Variants in CNNM1 observed in about 807,000 individuals in gnomAD.
CNNM1 encodes cyclin and CBS domain divalent metal cation transport mediator 1, also known as metal transporter CNNM1.
A neutral mutation model predicts 78.8 loss-of-function variants in CNNM1; 44 were observed. That is an observed-to-expected ratio of 0.56 (90% CI 0.44 to 0.72). The LOEUF (loss-of-function observed/expected upper bound fraction) is 0.72, where lower values mean the gene tolerates loss of function less well. CNNM1 is among the 30% of genes least tolerant of loss of function. The pLI, the probability that CNNM1 is intolerant of heterozygous loss-of-function variation, is 0.00. For missense variants in CNNM1, 1,101 were observed against 1,292.2 expected (o/e 0.85, Z 2.27); for synonymous variants, 584 against 581.5 (o/e 1.00, Z -0.06).
intron 7 of CNNM1, among the ~76,000 whole-genome samples, chr10:99,379,845 A>G (rs1032091382): frequency 2.6e-5 from 4 of 152,096 alleles, no homozygotes; most frequent in Admixed American, 6.5e-5. Context: ...ACAAATTACC[A>G]TAGACTGTGT....
intron 1 of CNNM1, among the ~76,000 whole-genome samples, chr10:99,356,368 C>T (rs902307482): frequency 4.6e-5 from 7 of 151,660 alleles, no homozygotes; most frequent in Non-Finnish European, 7.4e-5. Context: ...CCCAGCTACT[C>T]GGGAGGCTGA....
chr10:99,355,992 G>A (rs190703909), intron 1 of CNNM1, among the ~76,000 whole-genome samples: 28 of 152,294 alleles, frequency 1.8e-4, no homozygotes, highest in Non-Finnish European at 2.5e-4. Context: ...GGTACTGATT[G>A]TTCAAACTAC....
intron 7 of CNNM1, among the ~76,000 whole-genome samples, chr10:99,386,305 A>G (rs961489187): frequency 6.6e-6 from 1 of 152,206 alleles, no homozygotes; most frequent in South Asian, 2.1e-4. Context: ...TAGCAGCACC[A>G]GGAACACAGG....
At chr10:99,390,864 T>A (rs2032451600) in intron 10 of CNNM1, among the ~76,000 whole-genome samples, 1 of 152,214 alleles carries the variant, frequency 6.6e-6, no homozygotes, top group South Asian at 2.1e-4. Flanking sequence ...CAGATGGAAG[T>A]CAATGGTGGA....
chr10:99,366,744 C>T (rs567121832), intron 6 of CNNM1, among the ~76,000 whole-genome samples: 101 of 152,058 alleles, frequency 6.6e-4, no homozygotes, highest in African/African-American at 2.4e-3. Context: ...ATCATGCCAC[C>T]GTACTCCAGC....
In CNNM1 at chr10:99,329,546, C is replaced by A; in HGVS notation, c.159C>A (p.Gly53=). ...TGCGGCCCGAGGACACTGCTGGAGG[C>A]CGCGTGTCCCTGGAGGGGGGCACCC... ...LGLRPEDTAG[G]RVSLEGGTLR... Residue 53 remains glycine (G), a synonymous_variant, in exon 1 of 11, where the codon GGC becomes GGA. Transcript: ENST00000356713. 1 of 1,520,638 alleles carries A rather than the reference C, an allele frequency of 6.6e-7. No individual in the cohort carries two copies. The highest frequency in any genetic ancestry group is 1.2e-5 in the South Asian group (1 of 80,838). 94.2% of individuals were successfully genotyped at this position (1,520,638 alleles called of 1,614,324 possible).
In CNNM1 at chr10:99,381,825, C is replaced by CT. The variant is rs576837242; in HGVS notation, c.2340+4615dup. On this transcript the variant is annotated intron_variant, in intron 7 of 10. Coordinates refer to ENST00000356713, the MANE Select transcript of CNNM1 (RefSeq NM_020348.3). ...AAAAGGAATTCTGTGAGTTCAAGCTCTTTTTTTTAACACAAGTGTCTTTTT... is the reference window on the plus strand; with the variant it reads ...AAAAGGAATTCTGTGAGTTCAAGCTCTTTTTTTTTAACACAAGTGTCTTTTT... 2.6e-4 allele frequency among the ~76,000 whole-genome samples: 39 copies of CT among 150,076 alleles called. No individual in the cohort carries two copies. The East Asian group carries it at 4.1e-3, about 16-fold the overall frequency.
chr10:99,385,322 C>T (rs967996641), intron 7 of CNNM1, among the ~76,000 whole-genome samples: 12 of 152,236 alleles, frequency 7.9e-5, no homozygotes, highest in African/African-American at 2.2e-4. Context: ...CCTTCTGTCC[C>T]GCTTCTCCAC....
rs1292849427 is a variant in CNNM1, at chr10:99,392,500, ATTC to A, written c.*990_*992del. 3 of 152,648 alleles carry A rather than the reference ATTC, an allele frequency of 2.0e-5. No homozygotes were observed. Among genetic ancestry groups the A allele is most frequent in the African/African-American group, 4.8e-5 (2 of 41,446 alleles). 9.5% of individuals were successfully genotyped at this position (152,648 alleles called of 1,614,324 possible). A position where few individuals can be genotyped will look rare whatever the true frequency, so the allele number is the denominator to read the frequency against. ...AGTTACACAGGAATGTTGAAGAATC[ATTC>A]TTCTTTTTCATGCATTTGTCCTTCT... On this transcript the variant is annotated 3_prime_UTR_variant, in exon 11 of 11. Coordinates refer to ENST00000356713, the MANE Select transcript of CNNM1 (RefSeq NM_020348.3).
At chr10:99,373,547 T>A (rs1212181429) in intron 6 of CNNM1, among the ~76,000 whole-genome samples, 1 of 152,222 alleles carries the variant, frequency 6.6e-6, no homozygotes, top group African/African-American at 2.4e-5. Context: ...AAGCCAGAAC[T>A]CATCAATTTG....
chr10:99,367,410 A>G (rs2031657771), intron 6 of CNNM1, among the ~76,000 whole-genome samples: 1 of 151,572 alleles, frequency 6.6e-6, no homozygotes, highest in East Asian at 1.9e-4. Flanking sequence ...TGAAGGGAAC[A>G]TAATCTACAC....
Position 99,329,665 on chromosome 10 carries a change from A to G in CNNM1, c.278A>G (p.Asn93Ser). Residue 93 changes from asparagine to serine, a missense_variant, in exon 1 of 11, where the codon AAC (asparagine) becomes AGC (serine). By Grantham distance (46) the Asn-to-Ser change is conservative. Around this residue, in one of 3 missense-constraint regions of CNNM1, gnomAD observed 476 missense variants for 484.5 expected, o/e 0.98. Coordinates refer to ENST00000356713, the MANE Select transcript of CNNM1 (RefSeq NM_020348.3). ...TAAPVPSPTL[N>S]SGENGTGDWA... ...GCACCGGTGCCCTCACCGACCCTCA[A>G]CTCGGGGGAGAATGGCACCGGCGAC... 1 of 1,555,966 alleles carries G rather than the reference A, an allele frequency of 6.4e-7. No individual in the cohort carries two copies. The highest frequency in any genetic ancestry group is 2.5e-5 in the East Asian group (1 of 39,994).
chr10:99,329,421 G>A lies in CNNM1; in HGVS notation c.34G>A (p.Gly12Ser), dbSNP rs1207710797. The A allele has an allele frequency of 5.0e-6, 5 of 999,904 alleles. No homozygotes were observed. In the Admixed American group the frequency reaches 9.5e-5, roughly 19 times the overall value. 61.9% of individuals were successfully genotyped at this position (999,904 alleles called of 1,614,324 possible). ...AAAAAAAAAVGVRLRDCCSRG... is the reference protein window; with the variant it reads ...AAAAAAAAAVSVRLRDCCSRG... Reference sequence around the variant, plus strand: ...GGCCGCGGCGGCGGCAGCAGCGGTGGGTGTCAGGCTCCGGGACTGCTGCAG... The same window carrying A: ...GGCCGCGGCGGCGGCAGCAGCGGTGAGTGTCAGGCTCCGGGACTGCTGCAG... Residue 12 changes from glycine to serine, a missense_variant, in exon 1 of 11, where the codon GGT becomes AGT. By Grantham distance (56) the Gly-to-Ser change is moderately conservative (BLOSUM62 0). This residue lies in a region of CNNM1 where 476 missense variants were observed against 484.5 expected (regional missense o/e 0.98). Transcript: ENST00000356713.
At chr10:99,367,904 C>A (rs768542739) in intron 6 of CNNM1, among the ~76,000 whole-genome samples, 15 of 152,054 alleles carry the variant, frequency 9.9e-5, no homozygotes, top group Admixed American at 7.9e-4. Context: ...TCTACCCGGG[C>A]CCCCCAGTGA....
intron 7 of CNNM1, among the ~76,000 whole-genome samples, chr10:99,382,526 G>T (rs2032191591): frequency 6.6e-6 from 1 of 152,314 alleles, no homozygotes; most frequent in East Asian, 1.9e-4. Flanking sequence ...ACTTTGGGAG[G>T]CTGAGACAGG....
intron 6 of CNNM1, among the ~76,000 whole-genome samples, chr10:99,372,147 A>G (rs1169106895): frequency 6.6e-6 from 1 of 152,142 alleles, no homozygotes; most frequent in Non-Finnish European, 1.5e-5. Flanking sequence ...CCTGACTATT[A>G]CTACAGAAGG....
chr10:99,364,540 TTGGGAAAGTAA>T, intron 5 of CNNM1, 24 bp downstream of exon 5: 1 of 1,573,102 alleles, frequency 6.4e-7, no homozygotes, highest in Non-Finnish European at 8.7e-7. Context: ...CATTTGTTTA[TTGGGAAAGTAA>T]TGGGATATGG....
Position 99,377,068 on chromosome 10 carries a change from T to G in CNNM1, c.2190T>G (p.Pro730=), listed in dbSNP as rs1168064868. 7.1e-7 allele frequency: 1 copy of G among 1,401,548 alleles called. No individual in the cohort carries two copies. Among genetic ancestry groups the G allele is most frequent in the Admixed American group, 2.2e-5 (1 of 46,476 alleles). 86.8% of individuals were successfully genotyped at this position (1,401,548 alleles called of 1,614,324 possible). ...CACCATCTGCAGTAAACCGGTCCCC[T>G]TCTCGCTGCAGTGGGTTGAATCGCT... The part of the protein sequence containing the change: ...AGSSVFLNRS[P]SRCSGLNRSE... The change falls in exon 7 of 11, where the codon CCT becomes CCG. Residue 730 remains proline, a synonymous_variant. Transcript: ENST00000356713.
At chr10:99,340,464 C>T (rs2030390427) in intron 1 of CNNM1, among the ~76,000 whole-genome samples, 1 of 152,140 alleles carries the variant, frequency 6.6e-6, no homozygotes, top group Non-Finnish European at 1.5e-5. Context: ...TATCATAGCT[C>T]ATCTCAATTC....
Sources: allele counts gnomAD v4.1 joint callset (sites outside exome capture counted in the v4.1 genomes callset), GRCh38; gene constraint gnomAD v4.1.1; regional missense constraint gnomAD v4.1.1; transcripts MANE v1.5; gene names NCBI Gene and HGNC (gene_info 2026-07-23, HGNC 2026-07-21).